The following SLC38A9 variants were observed in gnomAD, a reference collection of about 807,000 sequenced individuals.
The protein encoded by SLC38A9 is solute carrier family 38 member 9, also known as neutral amino acid transporter 9.
SLC38A9 carries 48 observed loss-of-function variants against 62.3 expected under a neutral mutation model. That is an observed-to-expected ratio of 0.77 (90% CI 0.61 to 0.98). SLC38A9 has a LOEUF of 0.98. SLC38A9 is among the 50% of genes least tolerant of loss of function. The probability of loss-of-function intolerance (pLI) is 0.00; values close to 1 mark genes in which losing one functional copy is unlikely to be tolerated. For missense variants in SLC38A9, 541 were observed against 679.8 expected, an observed-to-expected ratio of 0.80 and a Z score of 2.27; for synonymous variants, 204 against 227.7, an observed-to-expected ratio of 0.90 and a Z score of 0.94.
At chr5:55,669,643 G>GT in intron 5 of SLC38A9, 23 bp from the exon 6 acceptor site, 1 of 1,595,542 alleles carries the variant, frequency 6.3e-7, no homozygotes, top group Non-Finnish European at 8.5e-7. Flanking sequence ...AGTAATAGCA[G>GT]TAAAAAAATG....
At chr5:55,668,878 T>C (rs1193868974) in intron 7 of SLC38A9, among the ~76,000 whole-genome samples, 1 of 152,232 alleles carries the variant, frequency 6.6e-6, no homozygotes, top group Admixed American at 6.5e-5. Context: ...TCTTTTGGTA[T>C]GAATAGGTCA....
At chr5:55,693,147 C>CA in intron 3 of SLC38A9, 2 of 262,236 alleles carry the variant, frequency 7.6e-6, no homozygotes, top group Non-Finnish European at 1.2e-5. Context: ...GTCTACCTAA[C>CA]AGTATCTGCC....
Position 55,627,840 on chromosome 5 carries a change from G to T in SLC38A9, c.1520+51C>A. 2.6e-6 allele frequency: 3 copies of T among 1,140,296 alleles called. No homozygotes were observed. In the South Asian group the frequency reaches 4.3e-5, roughly 16 times the overall value. The allele number at this position is 1,140,296 out of a possible 1,614,324, so 70.6% of individuals were successfully genotyped here. A position where few individuals can be genotyped will look rare whatever the true frequency, so the allele number is the denominator to read the frequency against. ...ACAACAACAACAACAGGAAAAGCCT[G>T]AAAATAAAGACCAATATATGTAAGG... is the stretch of plus-strand genomic sequence containing the variant. On this transcript the variant is annotated intron_variant, in intron 15 of 15. Coordinates refer to ENST00000396865, the MANE Select transcript of SLC38A9 (RefSeq NM_173514.4).
intron 3 of SLC38A9, among the ~76,000 whole-genome samples, chr5:55,673,037 ATAGT>A (rs763095203): frequency 2.4e-4 from 36 of 152,338 alleles, no homozygotes; most frequent in Non-Finnish European, 4.9e-4. Context: ...ACAGCTTTGA[ATAGT>A]CTCTCAAAAA....
In SLC38A9 at chr5:55,635,753, G is replaced by T. The variant is rs554203005; in HGVS notation, c.1168-96C>A. On this transcript the variant is annotated intron_variant, in intron 12 of 15. Coordinates refer to ENST00000396865, the MANE Select transcript of SLC38A9 (RefSeq NM_173514.4). ...AGACTAACAAATAAATATAAAATTT[G>T]TCTTTTTACCTTGTACATGTGTGTA... 1.3e-5 allele frequency: 10 copies of T among 782,476 alleles called. No individual in the cohort carries two copies. The East Asian group carries it at 2.7e-4, about 21-fold the overall frequency. 48.5% of individuals were successfully genotyped at this position (782,476 alleles called of 1,614,324 possible). A position where few individuals can be genotyped will look rare whatever the true frequency, so the allele number is the denominator to read the frequency against.
intron 2 of SLC38A9, among the ~76,000 whole-genome samples, chr5:55,698,792 A>C (rs113044599): frequency 2.6e-4 from 39 of 152,172 alleles, no homozygotes; most frequent in Non-Finnish European, 1.5e-4. Flanking sequence ...CTAGCTGGGC[A>C]TGGTGGCACA....
chr5:55,688,542 G>C (rs1356966154), intron 3 of SLC38A9, among the ~76,000 whole-genome samples: 1 of 151,924 alleles, frequency 6.6e-6, no homozygotes, highest in Admixed American at 6.6e-5. Context: ...ACCATGCCCG[G>C]CTCATTTTTT....
chr5:55,663,315 AAAAAAAAGG>A (rs1749931969), intron 8 of SLC38A9, among the ~76,000 whole-genome samples: 2 of 150,906 alleles, frequency 1.3e-5, no homozygotes, highest in African/African-American at 4.9e-5. Flanking sequence ...AAAAAAAAAA[AAAAAAAAGG>A]AGATCTAATA....
chr5:55,669,183 G>T, intron 7 of SLC38A9, 45 bp downstream of exon 7: 3 of 1,418,034 alleles, frequency 2.1e-6, no homozygotes, highest in South Asian at 1.2e-5. Context: ...AAAGGGAAAT[G>T]CTTATTAATA....
intron 5 of SLC38A9, 42 bp downstream of exon 5, chr5:55,669,716 A>G (rs905663264): frequency 8.1e-6 from 13 of 1,604,638 alleles, no homozygotes; most frequent in Non-Finnish European, 1.0e-5. Context: ...ATTTTCATCC[A>G]TATACAGTTT....
chr5:55,655,122 G>A (rs1228461506), intron 9 of SLC38A9, among the ~76,000 whole-genome samples: 2 of 152,160 alleles, frequency 1.3e-5, no homozygotes, highest in Admixed American at 6.5e-5. Flanking sequence ...TCAAAAGCGT[G>A]AGCCACCATG....
chr5:55,697,809 C>A (rs772632389), intron 3 of SLC38A9, 37 bp downstream of exon 3: 3 of 1,057,074 alleles, frequency 2.8e-6, no homozygotes, highest in African/African-American at 1.6e-5. Flanking sequence ...TCATTAAAGA[C>A]CCTAATTATG....
intron 10 of SLC38A9, among the ~76,000 whole-genome samples, chr5:55,649,922 CA>C (rs1022667960): frequency 2.0e-5 from 3 of 151,748 alleles, no homozygotes; most frequent in African/African-American, 7.3e-5. Context: ...TGAGTTTAAG[CA>C]GAAGATACAA....
chr5:55,677,926 T>TGTGTGCGTGTGCG, intron 3 of SLC38A9, among the ~76,000 whole-genome samples: 1 of 112,144 alleles, frequency 8.9e-6, no homozygotes. Flanking sequence ...TTTTTCTTTA[T>TGTGTGCGTGTGCG]TGTGTGTGTG....
In SLC38A9 at chr5:55,633,771, G is replaced by A. The variant is rs1284675751; in HGVS notation, c.1413C>T (p.Phe471=). 8 of 1,613,966 alleles carry A rather than the reference G, an allele frequency of 5.0e-6. No homozygotes were observed. The Admixed American group carries it at 6.7e-5, about 13-fold the overall frequency. ...LARVQLLGHI[F]GDIYPSIFHV... is the part of the protein sequence containing the mutation. The stretch of plus-strand genomic sequence containing the variant: ...GCCCTTACCTAGGATAAATGTCACC[G>A]AAGATATGGCCCAAAAGCTGGACAC... Residue 471 remains phenylalanine, a synonymous_variant, in exon 14 of 16, where the codon TTC becomes TTT. Coordinates refer to ENST00000396865, the MANE Select transcript of SLC38A9 (RefSeq NM_173514.4).
At chr5:55,651,874 G>A (rs568030931) in intron 10 of SLC38A9, among the ~76,000 whole-genome samples, 1 of 151,456 alleles carries the variant, frequency 6.6e-6, no homozygotes, top group Non-Finnish European at 1.5e-5. Flanking sequence ...TGAAATTTTC[G>A]TGTATTTCGT....
At chr5:55,647,962 G>T (rs187797362) in intron 11 of SLC38A9, among the ~76,000 whole-genome samples, 1 of 152,080 alleles carries the variant, frequency 6.6e-6, no homozygotes, top group African/African-American at 2.4e-5. Flanking sequence ...CATTTTGGCC[G>T]GGTGTGGTGG....
chr5:55,663,104 G>A lies in SLC38A9; in HGVS notation c.697+1589C>T, dbSNP rs549532800. Among the ~76,000 whole-genome samples, 19 of 151,384 alleles carry A rather than the reference G, an allele frequency of 1.3e-4. No individual in the cohort carries two copies. In the South Asian group the frequency reaches 3.1e-3, roughly 25 times the overall value. On this transcript the variant is annotated intron_variant, in intron 8 of 15. Transcript: ENST00000396865. ...GACACAGGGTTTCACCATGTTGGCC[G>A]GGCTGGTCTTGAACTCCTGAGTTCA...
Position 55,635,606 on chromosome 5 carries a change from T to C in SLC38A9, c.1219A>G (p.Ile407Val), listed in dbSNP as rs760389921. Residue 407 changes from isoleucine to valine, a missense_variant, in exon 13 of 16, where the codon ATT (isoleucine) becomes GTT (valine). Coordinates refer to ENST00000396865, the MANE Select transcript of SLC38A9 (RefSeq NM_173514.4). Reference protein sequence around the residue: ...YMLVTLTYLYIGVLVFASFPS... With the variant: ...YMLVTLTYLYVGVLVFASFPS... ...AATGAAGCAAAAACCAGGACTCCAA[T>C]ATAGAGATAAGTTAATGTCACCAGC... The C allele has an allele frequency of 3.7e-6, 6 of 1,613,886 alleles. No individual in the cohort carries two copies. In the Admixed American group the frequency reaches 8.3e-5, roughly 22 times the overall value.
Sources: allele counts gnomAD v4.1 joint callset (sites outside exome capture counted in the v4.1 genomes callset), GRCh38; gene constraint gnomAD v4.1.1; transcripts MANE v1.5; gene names NCBI Gene and HGNC (gene_info 2026-07-23, HGNC 2026-07-21).